NAPB: variants seen among roughly 807,000 people sequenced by gnomAD.
The protein encoded by NAPB is NSF attachment protein beta, also known as beta-soluble NSF attachment protein.
NAPB carries 26 observed loss-of-function variants against 44.7 expected under a neutral mutation model. That is an observed-to-expected ratio of 0.58 (90% CI 0.43 to 0.81). NAPB has a LOEUF of 0.81. NAPB is among the 30% of genes least tolerant of loss of function. NAPB has a pLI of 0.00. For missense variants in NAPB, 315 were observed against 356.4 expected (o/e 0.88, Z 0.94); for synonymous variants, 120 against 116.8 (o/e 1.03, Z -0.18).
intron 1 of NAPB, among the ~76,000 whole-genome samples, chr20:23,404,611 G>C (rs1251298704): frequency 6.6e-6 from 1 of 152,136 alleles, no homozygotes. Flanking sequence ...GTTATTATGA[G>C]GATCAAAAGA....
chr20:23,394,104 C>G (rs1169473782), intron 5 of NAPB, among the ~76,000 whole-genome samples: 1 of 152,152 alleles, frequency 6.6e-6, no homozygotes, highest in Non-Finnish European at 1.5e-5. Flanking sequence ...CCAGCTGTTC[C>G]TCTTAGTGAA....
intron 1 of NAPB, among the ~76,000 whole-genome samples, chr20:23,410,710 TTAAAA>T (rs1985595091): frequency 6.6e-6 from 1 of 151,386 alleles, no homozygotes; most frequent in African/African-American, 2.4e-5. Flanking sequence ...GGAACAAATA[TTAAAA>T]TAAAAATGAG....
chr20:23,421,348 T>C lies in NAPB; in HGVS notation c.55A>G (p.Lys19Glu). Residue 19 changes from lysine (K) to glutamate (E), a missense_variant, in exon 1 of 11, where the codon AAG becomes GAG. By Grantham distance (56) the Lys-to-Glu change is moderately conservative. Around this residue, in one of 3 missense-constraint regions of NAPB, gnomAD observed 179 missense variants for 182.5 expected, o/e 0.98. Transcript: ENST00000377026. ...EAVQLMAEAE[K>E]RVKASHSFLR... is the part of the protein sequence containing the mutation. ...AAGGAGTGGGAGGCCTTGACTCGCT[T>C]CTCGGCCTCCGCCATCAGCTGTACT... 1 of 1,564,488 alleles carries C rather than the reference T, an allele frequency of 6.4e-7. No homozygotes were observed. The highest frequency in any genetic ancestry group is 8.7e-7 in the Non-Finnish European group (1 of 1,154,386).
chr20:23,419,760 T>G (rs1986255918), intron 1 of NAPB, among the ~76,000 whole-genome samples: 1 of 152,244 alleles, frequency 6.6e-6, no homozygotes, highest in African/African-American at 2.4e-5. Context: ...ATGAGAAATT[T>G]AGAAACCAGC....
At chr20:23,378,785 AC>A (rs1982739235) in intron 10 of NAPB, 1 of 143,092 alleles carries the variant, frequency 7.0e-6, no homozygotes, top group Admixed American at 7.0e-5. Context: ...AATTCTCACT[AC>A]TTAGTTTTTA....
At chr20:23,395,043 T>C (rs372681581) in intron 4 of NAPB, 44 bp from the exon 5 acceptor site, 19 of 1,612,834 alleles carry the variant, frequency 1.2e-5, no homozygotes, top group Admixed American at 1.7e-5. Context: ...ATTTTACCTA[T>C]CTGAATGCCA....
chr20:23,419,413 C>T (rs2281428), intron 1 of NAPB, among the ~76,000 whole-genome samples: 11,558 of 152,254 alleles, frequency 0.076, 667 homozygotes, highest in East Asian at 0.3. Flanking sequence ...GGATTATAAG[C>T]TCAAGATTTG....
chr20:23,387,803 G>T (rs181220950), intron 7 of NAPB, among the ~76,000 whole-genome samples: 2 of 152,096 alleles, frequency 1.3e-5, no homozygotes, highest in Non-Finnish European at 2.9e-5. Context: ...TGTTAAGATG[G>T]CAATACTCTC....
intron 7 of NAPB, among the ~76,000 whole-genome samples, chr20:23,385,344 T>C (rs187460222): frequency 2.6e-5 from 4 of 152,204 alleles, no homozygotes; most frequent in Admixed American, 2.6e-4. Context: ...CCAGCAAGAA[T>C]AGCAATCCAG....
At chr20:23,383,092 T>A (rs1291611886) in intron 7 of NAPB, among the ~76,000 whole-genome samples, 2 of 146,024 alleles carry the variant, frequency 1.4e-5, no homozygotes, top group African/African-American at 5.1e-5. Context: ...GAGGCAAAGG[T>A]TGCAGTGAGA....
chr20:23,413,341 A>T (rs973823516), intron 1 of NAPB, among the ~76,000 whole-genome samples: 2 of 152,200 alleles, frequency 1.3e-5, no homozygotes, highest in African/African-American at 4.8e-5. Flanking sequence ...ACTAAGATAA[A>T]AACATTATGT....
chr20:23,415,644 C>T (rs1030018190), intron 1 of NAPB, among the ~76,000 whole-genome samples: 1 of 152,014 alleles, frequency 6.6e-6, no homozygotes, highest in African/African-American at 2.4e-5. Flanking sequence ...CCGTGTACAG[C>T]TACAATGTTC....
intron 1 of NAPB, among the ~76,000 whole-genome samples, chr20:23,404,533 A>G (rs1179508142): frequency 1.3e-5 from 2 of 152,144 alleles, no homozygotes; most frequent in African/African-American, 4.8e-5. Context: ...ATGGCCCTGG[A>G]CCAGTTCTTT....
intron 5 of NAPB, among the ~76,000 whole-genome samples, chr20:23,392,825 T>C (rs983956999): frequency 2.0e-5 from 3 of 152,028 alleles, no homozygotes; most frequent in African/African-American, 7.2e-5. Context: ...ACCTGGCCTT[T>C]TTTTTTTCAA....
chr20:23,414,811 G>T (rs1204103250), intron 1 of NAPB, among the ~76,000 whole-genome samples: 4 of 152,044 alleles, frequency 2.6e-5, no homozygotes, highest in African/African-American at 9.7e-5. Context: ...CTGTAACTAG[G>T]GTGATTCTGT....
intron 2 of NAPB, among the ~76,000 whole-genome samples, chr20:23,398,705 A>T (rs559369558): frequency 6.2e-4 from 93 of 150,558 alleles, no homozygotes; most frequent in African/African-American, 2.2e-3. Flanking sequence ...TTAGCTGGGC[A>T]TTGTGGCAGG....
At chr20:23,382,910 T>C (rs1305727540) in intron 7 of NAPB, among the ~76,000 whole-genome samples, 1 of 152,118 alleles carries the variant, frequency 6.6e-6, no homozygotes, top group Non-Finnish European at 1.5e-5. Flanking sequence ...ATCCCAGCAC[T>C]GTGGGAGGCC....
chr20:23,401,968 G>A (rs1984889375), intron 2 of NAPB, among the ~76,000 whole-genome samples: 1 of 152,260 alleles, frequency 6.6e-6, no homozygotes, highest in Admixed American at 6.5e-5. Context: ...TTACTTATAA[G>A]ACCTGAACAA....
chr20:23,409,980 C>G (rs1215634768), intron 1 of NAPB, among the ~76,000 whole-genome samples: 2 of 152,048 alleles, frequency 1.3e-5, no homozygotes, highest in Non-Finnish European at 2.9e-5. Context: ...GGGCAAACAC[C>G]CCAGACCAGG....
Sources: gnomAD v4.1 joint callset for allele counts (sites outside exome capture counted in the v4.1 genomes callset) on GRCh38, gnomAD v4.1.1 for gene constraint, gnomAD v4.1.1 regional missense constraint, MANE v1.5 for transcripts, NCBI Gene and HGNC (gene_info 2026-07-23, HGNC 2026-07-21) for gene names.